The following SPATA22 variants were observed in gnomAD, a reference collection of about 807,000 sequenced individuals.
SPATA22 encodes spermatogenesis associated 22.
Under a neutral mutation model 47.8 loss-of-function variants are expected in SPATA22, and 29 were observed. That is an observed-to-expected ratio of 0.61 (90% confidence interval 0.45 to 0.83). SPATA22 has a LOEUF of 0.83. Ranked by LOEUF, SPATA22 falls within the 40% of genes least tolerant of loss-of-function variation. The probability of loss-of-function intolerance (pLI) is 0.00; values close to 1 mark genes in which losing one functional copy is unlikely to be tolerated. For synonymous variants in SPATA22, 133 were observed against 140.9 expected (o/e 0.94, Z 0.40); for missense variants, 410 against 421.7 (o/e 0.97, Z 0.24).
intron 1 of SPATA22, chr17:3,489,163 C>A (rs1448214711): frequency 1.1e-6 from 1 of 907,818 alleles, no homozygotes; most frequent in East Asian, 2.6e-5. Flanking sequence ...AATCTTGATA[C>A]ATTAAAATGC....
In SPATA22 at chr17:3,462,569, T is replaced by G; in HGVS notation, c.243A>C (p.Pro81=). 1 of 1,612,530 alleles carries G rather than the reference T, an allele frequency of 6.2e-7. No individual in the cohort carries two copies. The highest frequency in any genetic ancestry group is 1.1e-5 in the South Asian group (1 of 90,782). ...TTCTCAGAGGACGAGAAACTGAATG[T>G]GGTATTTGCCTTTCAAGGGAATATG... is the stretch of plus-strand genomic sequence containing the variant. The part of the protein sequence containing the change: ...VMKTVDTGQI[P]HSVSRPLRSQ... Residue 81 remains proline (P), a synonymous_variant, in exon 5 of 9, where the codon CCA becomes CCC. Coordinates refer to ENST00000572969, the MANE Select transcript of SPATA22 (RefSeq NM_001170698.2).
intron 3 of SPATA22, among the ~76,000 whole-genome samples, chr17:3,464,241 G>A (rs62071290): frequency 7.1e-6 from 1 of 141,376 alleles, no homozygotes; most frequent in Non-Finnish European, 1.5e-5. Flanking sequence ...CTCGGCCTCC[G>A]GAGGTGCCGG....
intron 1 of SPATA22, among the ~76,000 whole-genome samples, chr17:3,509,630 G>A (rs2150772250): frequency 6.6e-6 from 1 of 152,286 alleles, no homozygotes; most frequent in African/African-American, 2.4e-5. Flanking sequence ...AAACATATAT[G>A]TGCATGTGTC....
At chr17:3,493,379 G>T (rs551801872) in intron 1 of SPATA22, among the ~76,000 whole-genome samples, 1 of 152,078 alleles carries the variant, frequency 6.6e-6, no homozygotes, top group Admixed American at 6.5e-5. Context: ...TGGCCAACAT[G>T]GTGAGACCCC....
chr17:3,457,711 C>T (rs980480892), intron 5 of SPATA22, among the ~76,000 whole-genome samples: 49 of 152,020 alleles, frequency 3.2e-4, no homozygotes, highest in African/African-American at 1.1e-3. Context: ...GTGAGAAGAA[C>T]ACACAATGAG....
intron 1 of SPATA22, among the ~76,000 whole-genome samples, chr17:3,509,074 G>T (rs12450427): frequency 0.91 from 137,608 of 151,886 alleles, 63,119 homozygotes; most frequent in Non-Finnish European, 0.98. Context: ...CTTGTGAAAA[G>T]CCTGCGTGGT....
chr17:3,491,529 T>C (rs561745538), intron 1 of SPATA22, among the ~76,000 whole-genome samples: 1 of 152,234 alleles, frequency 6.6e-6, no homozygotes, highest in Admixed American at 6.5e-5. Context: ...GGCAGATCAC[T>C]TGAGGTCAGG....
intron 3 of SPATA22, among the ~76,000 whole-genome samples, chr17:3,464,405 G>A (rs1400065914): frequency 3.1e-5 from 4 of 128,506 alleles, no homozygotes; most frequent in East Asian, 2.0e-4. Context: ...CCGCCACCCC[G>A]TCTGGGAAGT....
intron 6 of SPATA22, among the ~76,000 whole-genome samples, chr17:3,447,042 T>C (rs566935228): frequency 3.3e-5 from 5 of 152,246 alleles, no homozygotes; most frequent in African/African-American, 1.2e-4. Flanking sequence ...GAAAAATTCA[T>C]GGACAAAACA....
Position 3,448,986 on chromosome 17 carries a change from T to C in SPATA22, c.493A>G (p.Asn165Asp). 6.2e-7 allele frequency: 1 copy of C among 1,614,046 alleles called. No homozygotes were observed. Among genetic ancestry groups the C allele is most frequent in the Non-Finnish European group, 8.5e-7 (1 of 1,179,968 alleles). ...TCGGTTTCTTTGTTGCGAGATAAGT[T>C]AGGAGGTTCAGGTATTCTTAATTGT... The part of the protein sequence containing the change: ...QKQLRIPEPP[N>D]LSRNKETELL... The change falls in exon 6 of 9, where the codon AAC (asparagine) becomes GAC (aspartate). Residue 165 changes from asparagine (N) to aspartate (D), a missense_variant. Coordinates refer to ENST00000572969, the MANE Select transcript of SPATA22 (RefSeq NM_001170698.2).
In SPATA22 at chr17:3,443,188, C is replaced by G. The variant is rs1398239514; in HGVS notation, c.886G>C (p.Val296Leu). ...AAAATACTCACGATTTCATAAAAGACACAAGGCAGAGTATTTTTCCCATCC... is the reference window on the plus strand; with the variant it reads ...AAAATACTCACGATTTCATAAAAGAGACAAGGCAGAGTATTTTTCCCATCC... ...MRDGKNTLPCVFYEIDRELPR... is the reference protein window; with the variant it reads ...MRDGKNTLPCLFYEIDRELPR... Residue 296 changes from valine (V) to leucine (L), a missense_variant, in exon 8 of 9, where the codon GTC becomes CTC. Transcript: ENST00000572969. 1 of 1,608,264 alleles carries G rather than the reference C, an allele frequency of 6.2e-7. No homozygotes were observed. Among genetic ancestry groups the G allele is most frequent in the South Asian group, 1.1e-5 (1 of 90,364 alleles).
At chr17:3,471,872 C>A (rs73305600), upstream of SPATA22, 36,622 of 985,246 alleles carry the variant, frequency 0.037, 2,290 homozygotes, top group African/African-American at 0.25. Flanking sequence ...GCCACCTCGG[C>A]GCGATGGCAT....
intron 1 of SPATA22, among the ~76,000 whole-genome samples, chr17:3,494,002 T>G (rs1567617223): frequency 6.6e-6 from 1 of 151,520 alleles, no homozygotes; most frequent in Non-Finnish European, 1.5e-5. Context: ...GTTATTATTG[T>G]TTCTTCCTTA....
chr17:3,477,128 C>A (rs1415981368), intron 1 of SPATA22, among the ~76,000 whole-genome samples: 1 of 151,916 alleles, frequency 6.6e-6, no homozygotes, highest in Non-Finnish European at 1.5e-5. Context: ...GCACTCCAGC[C>A]TGGGAGACAG....
intron 1 of SPATA22, among the ~76,000 whole-genome samples, chr17:3,503,819 GATA>G (rs561562714): frequency 7.3e-4 from 111 of 152,244 alleles, no homozygotes; most frequent in African/African-American, 2.5e-3. Context: ...AAATGGGAAT[GATA>G]ATAATAATAG....
chr17:3,476,493 A>G, upstream of SPATA22: 2 of 1,079,618 alleles, frequency 1.9e-6, no homozygotes, highest in East Asian at 4.8e-5. Flanking sequence ...ATGATAATTC[A>G]TGTCCGTACA....
intron 1 of SPATA22, among the ~76,000 whole-genome samples, chr17:3,495,599 C>T (rs1003885109): frequency 3.3e-4 from 50 of 152,226 alleles, no homozygotes; most frequent in African/African-American, 1.1e-3. Context: ...GATGGAGTCT[C>T]GCTCTGTCGC....
At chr17:3,476,856 A>G (rs2073531729) in intron 1 of SPATA22, among the ~76,000 whole-genome samples, 1 of 152,234 alleles carries the variant, frequency 6.6e-6, no homozygotes, top group African/African-American at 2.4e-5. Context: ...GTTTCAAGTA[A>G]TATTTGTTGA....
Position 3,488,827 on chromosome 17 carries a change from C to T in SPATA22, c.-73-19429G>A, listed in dbSNP as rs970396742. On this transcript the variant is annotated intron_variant, in intron 1 of 8. Coordinates refer to the SPATA22 transcript ENST00000541913. The surrounding 1 kb of genome is among the most constrained non-coding windows in gnomAD (Gnocchi z 6.1). ...CTATAAAAATAGATGTCCTTCCTCC[C>T]GTCACAGCTAAATGTTAGATCTTAA... Among the ~76,000 whole-genome samples the T allele has an allele frequency of 1.3e-5, 2 of 152,172 alleles. No individual in the cohort carries two copies. The highest frequency in any genetic ancestry group is 2.9e-5 in the Non-Finnish European group (2 of 68,026).
Sources: allele counts gnomAD v4.1 joint callset (sites outside exome capture counted in the v4.1 genomes callset), GRCh38; gene constraint gnomAD v4.1.1; non-coding constraint Gnocchi (gnomAD v3.1); transcripts MANE v1.5; gene names NCBI Gene and HGNC (gene_info 2026-07-23, HGNC 2026-07-21).